E2F5: variants seen among roughly 807,000 people sequenced by gnomAD.
E2F5 encodes the protein E2F transcription factor 5.
Under a neutral mutation model 39.1 loss-of-function variants are expected in E2F5, and 23 were observed. The observed-to-expected ratio is 0.59, with a 90% CI of 0.42 to 0.83. The LOEUF (loss-of-function observed/expected upper bound fraction) is 0.83, where lower values mean the gene tolerates loss of function less well. E2F5 is among the 40% of genes least tolerant of loss of function. The probability of loss-of-function intolerance (pLI) is 0.00; values close to 1 mark genes in which losing one functional copy is unlikely to be tolerated. For synonymous variants in E2F5, 145 were observed against 157.8 expected, an observed-to-expected ratio of 0.92 and a Z score of 0.61; for missense variants, 365 against 406.7, an observed-to-expected ratio of 0.90 and a Z score of 0.88.
chr8:85,194,506 C>T lies in E2F5; in HGVS notation c.235-7641C>T, dbSNP rs374878880. ...AGTTTTCTGATTAACTTAGGTTTATCTCTTTGTTGTTTTTTTGTTTGTTTC... is the reference window on the plus strand; with the variant it reads ...AGTTTTCTGATTAACTTAGGTTTATTTCTTTGTTGTTTTTTTGTTTGTTTC... On this transcript the variant is annotated intron_variant, in intron 1 of 7. Coordinates refer to ENST00000416274, the MANE Select transcript of E2F5 (RefSeq NM_001951.4). Among the ~76,000 whole-genome samples the T allele has an allele frequency of 6.8e-5, 10 of 147,348 alleles. No homozygotes were observed. The East Asian group carries it at 1.6e-3, about 23-fold the overall frequency.
intron 1 of E2F5, among the ~76,000 whole-genome samples, chr8:85,179,849 A>G (rs1162370599): frequency 6.6e-6 from 1 of 151,870 alleles, no homozygotes; most frequent in African/African-American, 2.4e-5. Context: ...TTTAGTAGAG[A>G]CAGGGTTTCA....
At position 85,209,377 on chromosome 8, in the gene E2F5, TGCA is replaced by T; in HGVS notation, c.856_858del (p.Gln286del). The T allele has an allele frequency of 1.2e-6, 2 of 1,613,140 alleles. No individual in the cohort carries two copies. The highest frequency in any genetic ancestry group is 1.7e-6 in the Non-Finnish European group (2 of 1,179,416). On this transcript the variant is annotated inframe_deletion, in exon 6 of 8. Coordinates refer to ENST00000416274, the MANE Select transcript of E2F5 (RefSeq NM_001951.4). ...CATGTCTCTGAAAGAAGCCAGGCTC[TGCA>T]GCAGACATCAGCTACAGATATATCT... is the stretch of plus-strand genomic sequence containing the variant.
intron 1 of E2F5, among the ~76,000 whole-genome samples, chr8:85,179,912 G>A (rs1186742576): frequency 4.6e-5 from 7 of 152,126 alleles, no homozygotes; most frequent in Admixed American, 1.3e-4. Flanking sequence ...CACGCGCCTC[G>A]GCCTCCCAAA....
chr8:85,180,582 T>C (rs1400517712), intron 1 of E2F5, among the ~76,000 whole-genome samples: 2 of 125,514 alleles, frequency 1.6e-5, no homozygotes, highest in African/African-American at 6.0e-5. Context: ...TTGTTTTTTT[T>C]TTTTTTTTTT....
In E2F5 at chr8:85,193,920, A is replaced by G. The variant is rs1424280908; in HGVS notation, c.235-8227A>G. ...AGTTTTGGTTGTTATGAATACCGCT[A>G]TGAATTCATGTATAAGCCTTCATAT... On this transcript the variant is annotated intron_variant, in intron 1 of 7. Coordinates refer to ENST00000416274, the MANE Select transcript of E2F5 (RefSeq NM_001951.4). Among the ~76,000 whole-genome samples the G allele has an allele frequency of 2.0e-5, 3 of 152,236 alleles. No homozygotes were observed. In the East Asian group the frequency reaches 5.8e-4, roughly 29 times the overall value.
chr8:85,177,717 C>T, intron 1 of E2F5, 63 bp downstream of exon 1: 2 of 1,191,486 alleles, frequency 1.7e-6, no homozygotes, highest in Non-Finnish European at 2.1e-6. Flanking sequence ...GGAAGCCCAG[C>T]CCCTCGCCGC....
chr8:85,213,627 G>A (rs1813007838), intron 7 of E2F5, 126 bp from the exon 8 acceptor site: 1 of 443,160 alleles, frequency 2.3e-6, no homozygotes, highest in Non-Finnish European at 4.1e-6. Flanking sequence ...TACTAAATGA[G>A]AATATTTCAA....
intron 1 of E2F5, among the ~76,000 whole-genome samples, chr8:85,189,764 GT>G (rs1203005518): frequency 6.6e-6 from 1 of 152,096 alleles, no homozygotes; most frequent in Non-Finnish European, 1.5e-5. Context: ...AGGTATATAA[GT>G]TTTTATGTTT....
intron 4 of E2F5, 150 bp downstream of exon 4, chr8:85,206,370 C>T (rs1250869542): frequency 1.3e-5 from 9 of 715,372 alleles, no homozygotes; most frequent in African/African-American, 1.8e-5. Context: ...TGATAGACTG[C>T]TTTTGTTTCT....
intron 1 of E2F5, among the ~76,000 whole-genome samples, chr8:85,199,876 C>T (rs753197182): frequency 2.0e-5 from 3 of 152,138 alleles, no homozygotes; most frequent in Non-Finnish European, 4.4e-5. Flanking sequence ...AGTGAGCTTA[C>T]GATGAGGCCA....
In E2F5 at chr8:85,214,273, C is replaced by A. The variant is rs748903965; in HGVS notation, c.*411C>A. 5.5e-5 allele frequency: 31 copies of A among 567,328 alleles called. No homozygotes were observed. The highest frequency in any genetic ancestry group is 5.0e-4 in the South Asian group (31 of 61,930). The allele number at this position is 567,328 out of a possible 1,614,324, so 35.1% of individuals were successfully genotyped here. A position where few individuals can be genotyped will look rare whatever the true frequency, so the allele number is the denominator to read the frequency against. On this transcript the variant is annotated 3_prime_UTR_variant, in exon 8 of 8. Coordinates refer to ENST00000416274, the MANE Select transcript of E2F5 (RefSeq NM_001951.4). Reference sequence around the variant, plus strand: ...CCTGTATTTCTGTATGTCCTTCTATCCAAACAGACGTTCACTGCCACTTGT... The same window carrying A: ...CCTGTATTTCTGTATGTCCTTCTATACAAACAGACGTTCACTGCCACTTGT...
At chr8:85,211,074 A>G (rs1024533614) in intron 6 of E2F5, among the ~76,000 whole-genome samples, 1 of 152,112 alleles carries the variant, frequency 6.6e-6, no homozygotes, top group Admixed American at 6.5e-5. Flanking sequence ...CAGTTATGCA[A>G]CTGAGAGAAC....
At chr8:85,211,145 G>A (rs1307522472) in intron 6 of E2F5, among the ~76,000 whole-genome samples, 2 of 151,642 alleles carry the variant, frequency 1.3e-5, no homozygotes, top group Non-Finnish European at 2.9e-5. Context: ...CAACACTTTG[G>A]GAGGCCGAGG....
chr8:85,203,239 G>T lies in E2F5; in HGVS notation c.490G>T (p.Asp164Tyr). 6.3e-7 allele frequency: 1 copy of T among 1,594,936 alleles called. No homozygotes were observed. The highest frequency in any genetic ancestry group is 1.2e-5 in the South Asian group (1 of 86,508). The change falls in exon 3 of 8, where the codon GAT becomes TAT. Residue 164 changes from aspartate (D) to tyrosine (Y), a missense_variant. By Grantham distance (160) the Asp-to-Tyr change is radical. Transcript: ENST00000416274. Reference protein sequence around the residue: ...LQQSIKNVMDDSINNRFSYVT... With the variant: ...LQQSIKNVMDYSINNRFSYVT... ...GCAAAGCATCAAAAATGTGATGGACGATTCCATTAATAATAGATATCCTTT... is the reference window on the plus strand; with the variant it reads ...GCAAAGCATCAAAAATGTGATGGACTATTCCATTAATAATAGATATCCTTT...
intron 6 of E2F5, among the ~76,000 whole-genome samples, chr8:85,211,275 C>G (rs1812914712): frequency 6.6e-6 from 1 of 151,042 alleles, no homozygotes; most frequent in African/African-American, 2.4e-5. Flanking sequence ...TGACGTGTGC[C>G]TGTGGTCCCA....
intron 1 of E2F5, among the ~76,000 whole-genome samples, chr8:85,181,569 G>C (rs568518570): frequency 1.4e-5 from 2 of 139,374 alleles, no homozygotes; most frequent in Non-Finnish European, 3.1e-5. Context: ...TCGATCTTCT[G>C]ACCTCGTGAT....
Position 85,213,941 on chromosome 8 carries a change from A to G in E2F5, c.*79A>G. The G allele has an allele frequency of 1.2e-6, 1 of 819,072 alleles. No individual in the cohort carries two copies. Among genetic ancestry groups the G allele is most frequent in the East Asian group, 2.6e-5 (1 of 38,810 alleles). 50.7% of individuals were successfully genotyped at this position (819,072 alleles called of 1,614,324 possible). ...CTTCTTAATAACCTAAATATTTAAA[A>G]TAATGAATGTAACACCTTTTTTAGT... On this transcript the variant is annotated 3_prime_UTR_variant, in exon 8 of 8. Coordinates refer to ENST00000416274, the MANE Select transcript of E2F5 (RefSeq NM_001951.4).
chr8:85,185,072 A>G (rs944879906), intron 1 of E2F5, among the ~76,000 whole-genome samples: 1 of 152,228 alleles, frequency 6.6e-6, no homozygotes, highest in Non-Finnish European at 1.5e-5. Context: ...TTAAGCAAAA[A>G]TAACAAAGCT....
At chr8:85,180,229 C>G (rs573570678) in intron 1 of E2F5, among the ~76,000 whole-genome samples, 84 of 150,688 alleles carry the variant, frequency 5.6e-4, no homozygotes, top group African/African-American at 1.9e-3. Context: ...CCATGTTGGC[C>G]AGGCTGGTCT....
Sources: gnomAD v4.1 joint callset for allele counts (sites outside exome capture counted in the v4.1 genomes callset) on GRCh38, gnomAD v4.1.1 for gene constraint, MANE v1.5 for transcripts, NCBI Gene and HGNC (gene_info 2026-07-23, HGNC 2026-07-21) for gene names.